Variants in NAA30 observed in about 807,000 individuals in gnomAD.
The protein encoded by NAA30 is N-alpha-acetyltransferase 30.
NAA30 carries 5 observed loss-of-function variants against 31.4 expected under a neutral mutation model. The ratio of observed to expected loss-of-function variants is 0.16; its 90% CI spans 0.08 to 0.33. The LOEUF (loss-of-function observed/expected upper bound fraction) is 0.33. Ranked by LOEUF, NAA30 falls within the 10% of genes least tolerant of loss-of-function variation. The probability of loss-of-function intolerance (pLI) is 1.00; values close to 1 mark genes in which losing one functional copy is unlikely to be tolerated. For missense variants in NAA30, 428 were observed against 490.8 expected (o/e 0.87, Z 1.21); for synonymous variants, 222 against 207.1 (o/e 1.07, Z -0.62).
intron 2 of NAA30, among the ~76,000 whole-genome samples, chr14:57,392,053 C>G (rs1011674784): frequency 6.6e-6 from 1 of 152,178 alleles, no homozygotes; most frequent in Non-Finnish European, 1.5e-5. Context: ...CATCCTCAAA[C>G]ACTTTACAGT....
chr14:57,393,768 C>G (rs1344848669), intron 2 of NAA30, among the ~76,000 whole-genome samples: 1 of 151,970 alleles, frequency 6.6e-6, no homozygotes, highest in East Asian at 1.9e-4. Context: ...AGTTAAGAAC[C>G]AAAGTGACTT....
At chr14:57,392,996 T>C (rs1317463736) in intron 2 of NAA30, among the ~76,000 whole-genome samples, 1 of 152,212 alleles carries the variant, frequency 6.6e-6, no homozygotes, top group Admixed American at 6.5e-5. Context: ...ATCAGAATAG[T>C]TCTAAGACAT....
At chr14:57,408,629 A>G (rs993361789) in intron 4 of NAA30, among the ~76,000 whole-genome samples, 2 of 152,212 alleles carry the variant, frequency 1.3e-5, no homozygotes, top group East Asian at 1.9e-4. Context: ...GGGCTCAGCA[A>G]TCTATTTTAA....
chr14:57,400,511 A>T (rs1047025798), intron 4 of NAA30, among the ~76,000 whole-genome samples: 21 of 152,248 alleles, frequency 1.4e-4, no homozygotes, highest in African/African-American at 5.1e-4. Context: ...GGGAACAAGT[A>T]TAAACTAGAG....
chr14:57,412,342 C>T lies in NAA30; in HGVS notation c.*2826C>T, dbSNP rs1566552616. 6.6e-6 allele frequency: 1 copy of T among 151,992 alleles called. No homozygotes were observed. Among genetic ancestry groups the T allele is most frequent in the Non-Finnish European group, 1.5e-5 (1 of 67,990 alleles). 9.4% of individuals were successfully genotyped at this position (151,992 alleles called of 1,614,324 possible). On this transcript the variant is annotated 3_prime_UTR_variant, in exon 5 of 5. Coordinates refer to ENST00000556492, the MANE Select transcript of NAA30 (RefSeq NM_001011713.3). ...TTTTCATGTTTTAACTTTACCTTGC[C>T]CTGTGTTATGGTACTGGCTGACATG...
At chr14:57,396,006 ACT>A (rs1451549170) in intron 2 of NAA30, among the ~76,000 whole-genome samples, 1 of 151,986 alleles carries the variant, frequency 6.6e-6, no homozygotes, top group African/African-American at 2.4e-5. Context: ...ATGGGGTCTC[ACT>A]CTGTCACCTA....
intron 4 of NAA30, among the ~76,000 whole-genome samples, chr14:57,403,189 A>G (rs973712644): frequency 1.3e-5 from 2 of 151,554 alleles, no homozygotes; most frequent in African/African-American, 2.4e-5. Context: ...AAAGAAAGAG[A>G]TACATTTGGA....
intron 2 of NAA30, among the ~76,000 whole-genome samples, chr14:57,393,654 T>G (rs529460191): frequency 1.1e-4 from 17 of 152,292 alleles, no homozygotes; most frequent in Admixed American, 7.2e-4. Context: ...TGTTTTGTTT[T>G]TTGATTGAAA....
intron 4 of NAA30, among the ~76,000 whole-genome samples, chr14:57,403,040 G>T (rs758425215): frequency 6.6e-6 from 1 of 152,136 alleles, no homozygotes; most frequent in Non-Finnish European, 1.5e-5. Flanking sequence ...AATTAGCTGG[G>T]CGTGGTGCCA....
At chr14:57,396,906 G>A (rs1419710010) in intron 3 of NAA30, 31 bp downstream of exon 3, 2 of 1,605,386 alleles carry the variant, frequency 1.2e-6, no homozygotes, top group East Asian at 2.2e-5. Flanking sequence ...TGGAAAGAAT[G>A]CCTAAGCTAT....
chr14:57,399,779 C>T (rs2066466524), intron 3 of NAA30, 49 bp from the exon 4 acceptor site: 1 of 967,226 alleles, frequency 1.0e-6, no homozygotes, highest in African/African-American at 1.6e-5. Context: ...TTTAGGTTAT[C>T]TTTAAGAAAT....
chr14:57,415,563 G>A lies in NAA30; in HGVS notation c.*6047G>A, dbSNP rs1014770362. On this transcript the variant is annotated 3_prime_UTR_variant, in exon 5 of 5. Coordinates refer to ENST00000556492, the MANE Select transcript of NAA30 (RefSeq NM_001011713.3). ...GAATGCGCTATTTCCAGTAAGGGAA[G>A]TATTGACATTTTTAAGGAACTGTGC... 2 of 152,220 alleles carry A rather than the reference G, an allele frequency of 1.3e-5. No individual in the cohort carries two copies. Among genetic ancestry groups the A allele is most frequent in the Non-Finnish European group, 2.9e-5 (2 of 68,040 alleles). 9.4% of individuals were successfully genotyped at this position (152,220 alleles called of 1,614,324 possible). A position where few individuals can be genotyped will look rare whatever the true frequency, so the allele number is the denominator to read the frequency against.
At position 57,391,351 on chromosome 14, in the gene NAA30, G is replaced by T. The variant is rs745708883; in HGVS notation, c.394G>T (p.Val132Leu). 1 of 1,611,926 alleles carries T rather than the reference G, an allele frequency of 6.2e-7. No individual in the cohort carries two copies. Among genetic ancestry groups the T allele is most frequent in the Non-Finnish European group, 8.5e-7 (1 of 1,179,604 alleles). ...PRATATKGAG[V>L]HSGERPPHSL... ...AGCGACTGCAACAAAAGGAGCCGGG[G>T]TACACTCGGGCGAGAGGCCCCCTCA... Residue 132 changes from valine to leucine, a missense_variant, in exon 2 of 5, where the codon GTA (valine) becomes TTA (leucine). By Grantham distance (32) the Val-to-Leu change is conservative. Around this residue, in one of 2 missense-constraint regions of NAA30, gnomAD observed 349 missense variants for 310.4 expected, o/e 1.12. Coordinates refer to ENST00000556492, the MANE Select transcript of NAA30 (RefSeq NM_001011713.3). This position sits in a 1 kb window ranked among gnomAD's most constrained non-coding sequence, Gnocchi z 4.1.
intron 3 of NAA30, among the ~76,000 whole-genome samples, chr14:57,399,036 T>C (rs2066462861): frequency 6.6e-6 from 1 of 150,582 alleles, no homozygotes. Flanking sequence ...CAATTTTTTG[T>C]ATTTTTAATA....
rs1475427026 is a variant in NAA30, at chr14:57,414,816, CTG to C, written c.*5302_*5303del. The C allele has an allele frequency of 6.6e-6, 1 of 152,192 alleles. No homozygotes were observed. The highest frequency in any genetic ancestry group is 1.5e-5 in the Non-Finnish European group (1 of 68,028). The allele number at this position is 152,192 out of a possible 1,614,324, so 9.4% of individuals were successfully genotyped here. A position where few individuals can be genotyped will look rare whatever the true frequency, so the allele number is the denominator to read the frequency against. On this transcript the variant is annotated 3_prime_UTR_variant, in exon 5 of 5. Coordinates refer to ENST00000556492, the MANE Select transcript of NAA30 (RefSeq NM_001011713.3). ...CCAGGCTTGGTACAACCTGTTAACA[CTG>C]TTGAGGAAAGAGCTCAAAACATGCA...
At position 57,403,234 on chromosome 14, in the gene NAA30, G is replaced by GAA. The variant is rs11406655; in HGVS notation, c.951+3367_951+3368dup. Reference sequence around the variant, plus strand: ...GAAACCTTACTGTGCTCCGTGGCCGGAAAAAAAAAAAAAAAAAGATACATT... The same window carrying GAA: ...GAAACCTTACTGTGCTCCGTGGCCGGAAAAAAAAAAAAAAAAAAAGATACATT... On this transcript the variant is annotated intron_variant, in intron 4 of 4. Transcript: ENST00000556492. Among the ~76,000 whole-genome samples the GAA allele has an allele frequency of 2.5e-3, 339 of 136,442 alleles. 4 individuals carry two copies. The Middle Eastern group carries it at 0.026, about 11-fold the overall frequency. 89.5% of individuals were successfully genotyped at this position (136,442 alleles called of 152,430 possible).
intron 3 of NAA30, among the ~76,000 whole-genome samples, chr14:57,397,934 A>G (rs563143697): frequency 6.6e-5 from 10 of 152,286 alleles, no homozygotes; most frequent in East Asian, 1.9e-4. Flanking sequence ...CCACTCTTCT[A>G]TTCTCTAGGA....
At chr14:57,395,354 A>C (rs528313059) in intron 2 of NAA30, among the ~76,000 whole-genome samples, 1 of 152,202 alleles carries the variant, frequency 6.6e-6, no homozygotes, top group African/African-American at 2.4e-5. Context: ...ATGACAGACT[A>C]AAAAAGTCAC....
Position 57,411,830 on chromosome 14 carries a change from G to T in NAA30, c.*2314G>T, listed in dbSNP as rs1594754804. 6.6e-6 allele frequency: 1 copy of T among 152,172 alleles called. No individual in the cohort carries two copies. Among genetic ancestry groups the T allele is most frequent in the East Asian group, 1.9e-4 (1 of 5,200 alleles). The allele number at this position is 152,172 out of a possible 1,614,324, so 9.4% of individuals were successfully genotyped here. ...ACTGAAAGACTCCATTCAGGTTGAA[G>T]TAGCCTCAAACAGTAATTTACTTTT... On this transcript the variant is annotated 3_prime_UTR_variant, in exon 5 of 5. Coordinates refer to ENST00000556492, the MANE Select transcript of NAA30 (RefSeq NM_001011713.3).
Sources: gnomAD v4.1 joint callset for allele counts (sites outside exome capture counted in the v4.1 genomes callset) on GRCh38, gnomAD v4.1.1 for gene constraint, gnomAD v4.1.1 regional missense constraint, Gnocchi (gnomAD v3.1) non-coding constraint, MANE v1.5 for transcripts, NCBI Gene and HGNC (gene_info 2026-07-23, HGNC 2026-07-21) for gene names.